OPHN1: variants seen among roughly 807,000 people sequenced by gnomAD.
OPHN1 encodes the protein oligophrenin 1.
A neutral mutation model predicts 60.7 loss-of-function variants in OPHN1; 11 were observed. The ratio of observed to expected loss-of-function variants is 0.18; its 90% CI spans 0.11 to 0.30. The LOEUF is 0.30. Among genes scored for constraint, OPHN1 ranks in the 10% least tolerant of loss-of-function variants. The pLI is 1.00. For synonymous variants in OPHN1, 226 were observed against 222.6 expected, an observed-to-expected ratio of 1.02 and a Z score of -0.14; for missense variants, 449 against 611.0, an observed-to-expected ratio of 0.73 and a Z score of 2.80.
intron 2 of OPHN1, among the ~76,000 whole-genome samples, chrX:68,422,270 C>T (rs770047776): frequency 9.0e-6 from 1 of 110,606 alleles, no homozygotes; most frequent in South Asian, 3.9e-4. Flanking sequence ...GCCTTGGACC[C>T]AGCACTTTGG....
chrX:68,196,090 T>G lies in OPHN1; in HGVS notation c.1104+1096A>C, dbSNP rs956340190. ...TGCTGGAATATTTTCTGGATGGCAG[T>G]CTTCAGAATACCAAGTCTCTCCTGC... is the stretch of plus-strand genomic sequence containing the variant. On this transcript the variant is annotated intron_variant, in intron 12 of 24. Transcript: ENST00000355520. Among the ~76,000 whole-genome samples the G allele has an allele frequency of 6.2e-5, 7 of 112,080 alleles. No individual in the cohort carries two copies. The East Asian group carries it at 2.0e-3, about 32-fold the overall frequency.
At chrX:68,192,024 G>GT (rs1215766001) in intron 15 of OPHN1, among the ~76,000 whole-genome samples, 2 of 109,961 alleles carry the variant, frequency 1.8e-5, no homozygotes, top group African/African-American at 3.4e-5. Context: ...TACAAGAAAT[G>GT]TTTTTTAAGA....
At chrX:68,171,238 A>T (rs1455494309) in intron 15 of OPHN1, among the ~76,000 whole-genome samples, 1 of 111,110 alleles carries the variant, frequency 9.0e-6, no homozygotes. Flanking sequence ...GTAACTCATA[A>T]ATATATATAC....
Position 68,097,045 on chromosome X carries a change from G to A in OPHN1, c.1527-16C>T, listed in dbSNP as rs1010055085. 3 of 1,197,452 alleles carry A rather than the reference G, an allele frequency of 2.5e-6. No individual in the cohort carries two copies. In the African/African-American group the frequency reaches 5.3e-5, roughly 21 times the overall value. On this transcript the variant is annotated splice_polypyrimidine_tract_variant and intron_variant, in intron 18 of 24. Coordinates refer to ENST00000355520, the MANE Select transcript of OPHN1 (RefSeq NM_002547.3). ...CTCACACACACTGCCAGAAGAAAAGGGGCAAGATTAACAAAATTTGCTCCA... is the reference window on the plus strand; with the variant it reads ...CTCACACACACTGCCAGAAGAAAAGAGGCAAGATTAACAAAATTTGCTCCA...
intron 15 of OPHN1, among the ~76,000 whole-genome samples, chrX:68,184,611 G>A (rs903970259): frequency 9.1e-6 from 1 of 110,365 alleles, no homozygotes; most frequent in Non-Finnish European, 1.9e-5. Context: ...GTTTTGTTTT[G>A]TTTTGAGAGA....
At chrX:68,419,078 G>C in intron 2 of OPHN1, among the ~76,000 whole-genome samples, 1 of 110,301 alleles carries the variant, frequency 9.1e-6, no homozygotes, top group Non-Finnish European at 1.9e-5. Context: ...TGCGATCTCG[G>C]CTCACTGCAA....
intron 5 of OPHN1, among the ~76,000 whole-genome samples, chrX:68,262,649 T>C (rs1384788157): frequency 1.8e-5 from 2 of 111,793 alleles, no homozygotes; most frequent in African/African-American, 6.5e-5. Flanking sequence ...TAGGTAGGTG[T>C]GGTGGCACAT....
At chrX:68,080,718 T>A (rs1423774019) in intron 19 of OPHN1, among the ~76,000 whole-genome samples, 1 of 112,004 alleles carries the variant, frequency 8.9e-6, no homozygotes. Flanking sequence ...ATGGCAGAAG[T>A]ATGTCATTGA....
intron 21 of OPHN1, among the ~76,000 whole-genome samples, chrX:68,063,503 A>G (rs1276048191): frequency 9.2e-6 from 1 of 108,676 alleles, no homozygotes; most frequent in Non-Finnish European, 1.9e-5. Flanking sequence ...CCTGGGTGAC[A>G]GAGTGAGACT....
At chrX:68,292,166 T>C (rs2078073578) in intron 3 of OPHN1, among the ~76,000 whole-genome samples, 1 of 111,607 alleles carries the variant, frequency 9.0e-6, no homozygotes, top group African/African-American at 3.3e-5. Flanking sequence ...GCCTCCTGAG[T>C]ACCTGGGATT....
intron 2 of OPHN1, among the ~76,000 whole-genome samples, chrX:68,359,038 G>C (rs2078456661): frequency 1.8e-5 from 2 of 111,963 alleles, no homozygotes; most frequent in Non-Finnish European, 3.8e-5. Flanking sequence ...GGAAGAGCCA[G>C]TGTGGCTAGG....
At chrX:68,190,471 C>T (rs1287985388) in intron 15 of OPHN1, among the ~76,000 whole-genome samples, 2 of 112,189 alleles carry the variant, frequency 1.8e-5, no homozygotes, top group Admixed American at 1.9e-4. Context: ...TTGCATCTAT[C>T]AATATTTATA....
chrX:68,426,902 AAAC>A, intron 2 of OPHN1, among the ~76,000 whole-genome samples: 1 of 101,076 alleles, frequency 9.9e-6, no homozygotes, highest in African/African-American at 3.5e-5. Flanking sequence ...AAAAAAAAAA[AAAC>A]AAAAACATAC....
At chrX:68,110,138 T>C (rs1051492936) in intron 18 of OPHN1, among the ~76,000 whole-genome samples, 4 of 111,695 alleles carry the variant, frequency 3.6e-5, no homozygotes, top group Non-Finnish European at 7.5e-5. Context: ...ATACAATAAA[T>C]GTATTAGAGG....
At chrX:68,381,829 T>C (rs974714832) in intron 2 of OPHN1, among the ~76,000 whole-genome samples, 1 of 109,967 alleles carries the variant, frequency 9.1e-6, no homozygotes, top group Non-Finnish European at 1.9e-5. Flanking sequence ...CTTTCTTTCT[T>C]TCTCTCTCTC....
At chrX:68,268,384 T>C (rs1043283064) in intron 5 of OPHN1, among the ~76,000 whole-genome samples, 10 of 111,904 alleles carry the variant, frequency 8.9e-5, no homozygotes, top group Admixed American at 4.7e-4. Flanking sequence ...TCAAAAAGCT[T>C]ATCTATCATG....
intron 2 of OPHN1, among the ~76,000 whole-genome samples, chrX:68,322,379 T>C (rs192311502): frequency 8.9e-6 from 1 of 111,970 alleles, no homozygotes; most frequent in East Asian, 2.8e-4. Context: ...TACAGGAATA[T>C]TCATAACAGC....
chrX:68,330,585 G>T (rs1048181177), intron 2 of OPHN1, among the ~76,000 whole-genome samples: 48 of 110,159 alleles, frequency 4.4e-4, no homozygotes, highest in Admixed American at 3.7e-3. Context: ...GATCATTTGA[G>T]CCCAGGCGTT....
chrX:68,063,567 TG>T (rs2147359465), intron 21 of OPHN1, among the ~76,000 whole-genome samples: 1 of 108,767 alleles, frequency 9.2e-6, no homozygotes, highest in East Asian at 2.9e-4. Flanking sequence ...TTCTTTACAG[TG>T]GGATTGTGAG....
Sources: gnomAD v4.1 joint callset for allele counts (sites outside exome capture counted in the v4.1 genomes callset) on GRCh38, gnomAD v4.1.1 for gene constraint, MANE v1.5 for transcripts, NCBI Gene and HGNC (gene_info 2026-07-23, HGNC 2026-07-21) for gene names.